PRIMPOL: variants seen among roughly 807,000 people sequenced by gnomAD.
PRIMPOL encodes the protein primase and DNA directed polymerase.
PRIMPOL carries 54 observed loss-of-function variants against 63.6 expected under a neutral mutation model. That is an observed-to-expected ratio of 0.85 (90% confidence interval 0.68 to 1.07). PRIMPOL has a LOEUF of 1.07. PRIMPOL is among the 50% of genes least tolerant of loss of function. PRIMPOL has a pLI of 0.00. For synonymous variants in PRIMPOL, 197 were observed against 220.2 expected (o/e 0.89, Z 0.93); for missense variants, 610 against 648.3 (o/e 0.94, Z 0.64).
At chr4:184,667,089 TG>T (rs1357734726) in intron 6 of PRIMPOL, among the ~76,000 whole-genome samples, 1 of 152,142 alleles carries the variant, frequency 6.6e-6, no homozygotes, top group Non-Finnish European at 1.5e-5. Context: ...GGCGTGGACA[TG>T]GTCACTAAAG....
intron 11 of PRIMPOL, among the ~76,000 whole-genome samples, chr4:184,686,354 T>C (rs1377639864): frequency 6.6e-6 from 1 of 152,176 alleles, no homozygotes; most frequent in South Asian, 2.1e-4. Flanking sequence ...TTATGGACTC[T>C]ACGTCGAAAG....
rs746180544 is a variant in PRIMPOL at position 184,657,114 on chromosome 4, A to T, written c.-27A>T. On this transcript the variant is annotated 5_prime_UTR_variant, in exon 3 of 14. Coordinates refer to ENST00000314970, the MANE Select transcript of PRIMPOL (RefSeq NM_152683.4). ...TGATAGAAATATTACGTGGGATAGG[A>T]TTTATTCTCTCCACACTTCTGAACC... 1.3e-6 allele frequency: 2 copies of T among 1,525,780 alleles called. No homozygotes were observed. The highest frequency in any genetic ancestry group is 4.8e-5 in the East Asian group (2 of 41,862). The allele number at this position is 1,525,780 out of a possible 1,614,324, so 94.5% of individuals were successfully genotyped here.
rs1407274885 is a variant in PRIMPOL, at chr4:184,678,249, A to G, written c.862A>G (p.Arg288Gly). 3 of 1,580,886 alleles carry G rather than the reference A, an allele frequency of 1.9e-6. No homozygotes were observed. The highest frequency in any genetic ancestry group is 2.6e-6 in the Non-Finnish European group (3 of 1,168,654). Residue 288 changes from arginine to glycine, a missense_variant, in exon 8 of 14, where the codon AGA becomes GGA. Around this residue, in one of 3 missense-constraint regions of PRIMPOL, gnomAD observed 444 missense variants for 456.4 expected, o/e 0.97. Coordinates refer to ENST00000314970, the MANE Select transcript of PRIMPOL (RefSeq NM_152683.4). ...FVDLGVYTRNRNFRLYKSSKI... is the reference protein window; with the variant it reads ...FVDLGVYTRNGNFRLYKSSKI... ...TGATGTAGGAGTTTATACAAGAAATAGAAACTTTCGGCTATATAAATCATC... is the reference window on the plus strand; with the variant it reads ...TGATGTAGGAGTTTATACAAGAAATGGAAACTTTCGGCTATATAAATCATC...
intron 2 of PRIMPOL, 26 bp from the exon 3 acceptor site, chr4:184,657,056 G>T: frequency 1.1e-6 from 1 of 945,232 alleles, no homozygotes; most frequent in Non-Finnish European, 1.5e-6. Context: ...GAAATTAATG[G>T]CCTTTTTGTT....
intron 11 of PRIMPOL, among the ~76,000 whole-genome samples, chr4:184,687,423 A>G (rs1757274897): frequency 6.6e-6 from 1 of 152,102 alleles, no homozygotes; most frequent in African/African-American, 2.4e-5. Flanking sequence ...CACCTGTTGT[A>G]TCTGCCGCCC....
Position 184,685,701 on chromosome 4 carries a change from A to C in PRIMPOL, c.1295+17A>C, listed in dbSNP as rs1343092849. 9.2e-7 allele frequency: 1 copy of C among 1,085,182 alleles called. No individual in the cohort carries two copies. Among genetic ancestry groups the C allele is most frequent in the African/African-American group, 1.6e-5 (1 of 62,998 alleles). The allele number at this position is 1,085,182 out of a possible 1,614,324, so 67.2% of individuals were successfully genotyped here. ...TAATATAATGTAAGTAATATTAATG[A>C]TTTGTGTGTATTTAACCAATATTAT... On this transcript the variant is annotated intron_variant, in intron 11 of 13. Coordinates refer to ENST00000314970, the MANE Select transcript of PRIMPOL (RefSeq NM_152683.4).
intron 6 of PRIMPOL, 61 bp downstream of exon 6, chr4:184,666,125 C>A: frequency 7.5e-7 from 1 of 1,338,230 alleles, no homozygotes; most frequent in South Asian, 1.5e-5. Flanking sequence ...GTTCTTATTC[C>A]TCTTAAAATT....
At chr4:184,673,305 A>G (rs1244177540) in intron 7 of PRIMPOL, among the ~76,000 whole-genome samples, 1 of 147,998 alleles carries the variant, frequency 6.8e-6, no homozygotes, top group African/African-American at 2.5e-5. Flanking sequence ...AATTTTTTGT[A>G]TTTTTAGTAG....
intron 7 of PRIMPOL, among the ~76,000 whole-genome samples, chr4:184,674,683 T>C (rs1267409927): frequency 3.3e-5 from 5 of 152,322 alleles, no homozygotes; most frequent in Non-Finnish European, 5.9e-5. Flanking sequence ...TGATTAACCA[T>C]GTTTTGTATA....
intron 13 of PRIMPOL, among the ~76,000 whole-genome samples, chr4:184,693,630 A>T (rs1431054823): frequency 6.6e-6 from 1 of 152,176 alleles, no homozygotes; most frequent in East Asian, 1.9e-4. Flanking sequence ...TTTTAAATTT[A>T]CTATAAAGGC....
rs780686146 is a variant in PRIMPOL at position 184,672,420 on chromosome 4, G to A, written c.804G>A (p.Val268=). The change falls in exon 7 of 14, where the codon GTG becomes GTA. Residue 268 remains valine, a synonymous_variant. Coordinates refer to ENST00000314970, the MANE Select transcript of PRIMPOL (RefSeq NM_152683.4). ...QSSPDLSFLV[V]KNNMGEKHLF... ...GTCCTGACCTTTCATTTCTAGTTGTGAAGAATAACATGGGAGAGAAGCATC... is the reference window on the plus strand; with the variant it reads ...GTCCTGACCTTTCATTTCTAGTTGTAAAGAATAACATGGGAGAGAAGCATC... The A allele has an allele frequency of 1.9e-6, 3 of 1,612,094 alleles. No individual in the cohort carries two copies. Among genetic ancestry groups the A allele is most frequent in the East Asian group, 4.5e-5 (2 of 44,880 alleles).
At chr4:184,687,865 C>G (rs1579638558) in intron 11 of PRIMPOL, among the ~76,000 whole-genome samples, 1 of 152,346 alleles carries the variant, frequency 6.6e-6, no homozygotes, top group African/African-American at 2.4e-5. Context: ...ATCTGCCTGC[C>G]TTGGCTTCCC....
At position 184,682,272 on chromosome 4, in the gene PRIMPOL, T is replaced by A; in HGVS notation, c.1032T>A (p.Leu344=). 6.3e-7 allele frequency: 1 copy of A among 1,599,778 alleles called. No individual in the cohort carries two copies. Among genetic ancestry groups the A allele is most frequent in the Non-Finnish European group, 8.6e-7 (1 of 1,167,726 alleles). ...GGTTCTCAGATACTTTACGAATTCT[T>A]ACATGTGAGCCATCTCAGAATAAAC... ...NVRFSDTLRI[L]TCEPSQNKQK... Residue 344 remains leucine (L), a synonymous_variant, in exon 9 of 14, where the codon CTT becomes CTA. Transcript: ENST00000314970.
chr4:184,684,229 A>AG (rs1208748474), intron 9 of PRIMPOL, among the ~76,000 whole-genome samples: 1 of 152,146 alleles, frequency 6.6e-6, no homozygotes, highest in Admixed American at 6.5e-5. Context: ...AGGCCAAGGC[A>AG]GGCGGATCAT....
In PRIMPOL at chr4:184,685,474, G is replaced by T. The variant is rs1195331081; in HGVS notation, c.1162G>T (p.Val388Leu). 1.9e-6 allele frequency: 3 copies of T among 1,611,862 alleles called. No individual in the cohort carries two copies. The highest frequency in any genetic ancestry group is 2.5e-6 in the Non-Finnish European group (3 of 1,178,218). ...PEVDHFVLSL[V>L]NKDGIKGGIR... ...AGTTGATCATTTTGTTCTTTCTTTG[G>T]TGAATAAAGATGGCATTAAAGGAGG... The change falls in exon 10 of 14, where the codon GTG becomes TTG. Residue 388 changes from valine to leucine, a missense_variant. Coordinates refer to ENST00000314970, the MANE Select transcript of PRIMPOL (RefSeq NM_152683.4).
At chr4:184,694,426 A>C in intron 13 of PRIMPOL, 96 bp from the exon 14 acceptor site, 1 of 1,475,908 alleles carries the variant, frequency 6.8e-7, no homozygotes, top group Non-Finnish European at 9.0e-7. Flanking sequence ...TCTGTCACTT[A>C]ATACCTTACT....
chr4:184,688,402 T>G (rs1171709856), intron 11 of PRIMPOL, among the ~76,000 whole-genome samples: 1 of 152,240 alleles, frequency 6.6e-6, no homozygotes, highest in East Asian at 1.9e-4. Flanking sequence ...TCTTGGGAAT[T>G]TCCCTGATTA....
chr4:184,667,377 C>G (rs1750258762), intron 6 of PRIMPOL, among the ~76,000 whole-genome samples: 4 of 151,970 alleles, frequency 2.6e-5, no homozygotes, highest in Admixed American at 1.3e-4. Flanking sequence ...GTGGCACGTT[C>G]TTGGCTCACT....
intron 11 of PRIMPOL, among the ~76,000 whole-genome samples, chr4:184,688,993 A>AT (rs1426850234): frequency 1.3e-5 from 2 of 150,450 alleles, no homozygotes; most frequent in African/African-American, 5.0e-5. Flanking sequence ...CTAAAAAAAA[A>AT]AGCCACTTTT....
Sources: gnomAD v4.1 joint callset for allele counts (sites outside exome capture counted in the v4.1 genomes callset) on GRCh38, gnomAD v4.1.1 for gene constraint, gnomAD v4.1.1 regional missense constraint, MANE v1.5 for transcripts, NCBI Gene and HGNC (gene_info 2026-07-23, HGNC 2026-07-21) for gene names.